Variants in EVC observed in about 807,000 individuals in gnomAD.
EVC encodes evC complex member EVC.
Under a neutral mutation model 118.9 loss-of-function variants are expected in EVC, and 116 were observed. The ratio of observed to expected loss-of-function variants is 0.98; its 90% confidence interval spans 0.84 to 1.14. The LOEUF (loss-of-function observed/expected upper bound fraction) is 1.14, where lower values mean the gene tolerates loss of function less well. EVC is among the 50% of genes most tolerant of loss of function. EVC has a pLI of 0.00. For synonymous variants in EVC, 619 were observed against 534.7 expected (o/e 1.16, Z -2.18); for missense variants, 1,401 against 1,246.4 (o/e 1.12, Z -1.87).
intron 11 of EVC, among the ~76,000 whole-genome samples, chr4:5,773,290 T>TTGC (rs1734262963): frequency 6.6e-6 from 1 of 152,122 alleles, no homozygotes; most frequent in South Asian, 2.1e-4. Flanking sequence ...CAACAGTGAT[T>TTGC]TGCTCTCATG....
intron 2 of EVC, among the ~76,000 whole-genome samples, chr4:5,722,940 C>T (rs1436155472): frequency 6.6e-6 from 1 of 152,158 alleles, no homozygotes. Context: ...GGCAGTGGCT[C>T]CTGTTCAGGT....
chr4:5,711,571 G>T lies in EVC; in HGVS notation c.174+17G>T. 8.5e-7 allele frequency: 1 copy of T among 1,171,764 alleles called. No homozygotes were observed. Among genetic ancestry groups the T allele is most frequent in the South Asian group, 4.3e-5 (1 of 23,326 alleles). The allele number at this position is 1,171,764 out of a possible 1,614,324, so 72.6% of individuals were successfully genotyped here. ...CGACACCAGGTGGGTCGGCCGAGCAGACAGCGGCGGGGCGGGGAGCGCGGG... is the reference window on the plus strand; with the variant it reads ...CGACACCAGGTGGGTCGGCCGAGCATACAGCGGCGGGGCGGGGAGCGCGGG... On this transcript the variant is annotated intron_variant, in intron 1 of 20. Transcript: ENST00000264956.
At chr4:5,759,243 G>T (rs1287822114) in intron 11 of EVC, among the ~76,000 whole-genome samples, 1 of 144,654 alleles carries the variant, frequency 6.9e-6, no homozygotes. Context: ...CCTGCCGACT[G>T]CAGGAGACGT....
rs1253151635 is a variant in EVC, at chr4:5,749,784, A to G, written c.1098+1478A>G. Among the ~76,000 whole-genome samples, 1 of 152,100 alleles carries G rather than the reference A, an allele frequency of 6.6e-6. No homozygotes were observed. Among genetic ancestry groups the G allele is most frequent in the Non-Finnish European group, 1.5e-5 (1 of 68,010 alleles). On this transcript the variant is annotated intron_variant, in intron 8 of 20. Coordinates refer to ENST00000264956, the MANE Select transcript of EVC (RefSeq NM_153717.3). This position sits in a 1 kb window ranked among gnomAD's most constrained non-coding sequence, Gnocchi z 4.4. ...ACCCTGCAGTGGCCACCCTGCCCTC[A>G]GCACAGACTCAGCTCCTCAGACCCG...
Position 5,719,190 on chromosome 4 carries a change from C to T in EVC, c.175-58C>T. On this transcript the variant is annotated intron_variant, in intron 1 of 20. Coordinates refer to ENST00000264956, the MANE Select transcript of EVC (RefSeq NM_153717.3). This position sits in a 1 kb window ranked among gnomAD's most constrained non-coding sequence, Gnocchi z 4.7. ...GCAAAAGTCACGGTGGGGACCAGGC[C>T]GACTGACCTCAATGTTGTGTTTCTA... The T allele has an allele frequency of 6.8e-6, 11 of 1,611,830 alleles. No individual in the cohort carries two copies. Among genetic ancestry groups the T allele is most frequent in the Admixed American group, 1.7e-5 (1 of 59,980 alleles).
In EVC at chr4:5,772,143, G is replaced by A. The variant is rs563462450; in HGVS notation, c.1564-11409G>A. Reference sequence around the variant, plus strand: ...AATCTCCTGACTTCGCGATCCGCCCGCCTCGGCATCCCACAGTGCTGGGAT... The same window carrying A: ...AATCTCCTGACTTCGCGATCCGCCCACCTCGGCATCCCACAGTGCTGGGAT... On this transcript the variant is annotated intron_variant, in intron 11 of 20. Transcript: ENST00000264956. Among the ~76,000 whole-genome samples, 13 of 152,166 alleles carry A rather than the reference G, an allele frequency of 8.5e-5. 1 individual carries two copies. Among genetic ancestry groups the A allele is most frequent in the Admixed American group, 5.2e-4 (8 of 15,282 alleles).
chr4:5,827,402 T>G, the EVC span, among the ~76,000 whole-genome samples: 1 of 152,200 alleles, frequency 6.6e-6, no homozygotes, highest in Non-Finnish European at 1.5e-5. Flanking sequence ...CTGTGCGACT[T>G]GGTGTCTTTG....
chr4:5,822,130 TCAAA>T, the EVC span, among the ~76,000 whole-genome samples: 2 of 152,280 alleles, frequency 1.3e-5, no homozygotes, highest in African/African-American at 2.4e-5. Flanking sequence ...AGACAGGTGA[TCAAA>T]CACTTACTGA....
chr4:5,776,199 G>A (rs1055407519), intron 11 of EVC, among the ~76,000 whole-genome samples: 1 of 151,684 alleles, frequency 6.6e-6, no homozygotes, highest in African/African-American at 2.4e-5. Flanking sequence ...ATTTGGTAAT[G>A]TTATTAACTA....
intron 11 of EVC, among the ~76,000 whole-genome samples, chr4:5,778,916 A>G (rs1226697043): frequency 6.6e-6 from 1 of 152,052 alleles, no homozygotes; most frequent in Admixed American, 6.5e-5. Flanking sequence ...GTCCTTGCAC[A>G]TGCCTATGTC....
the EVC span, among the ~76,000 whole-genome samples, chr4:5,819,379 A>G: frequency 6.6e-6 from 1 of 152,216 alleles, no homozygotes; most frequent in Non-Finnish European, 1.5e-5. Flanking sequence ...CCTCCTCCCA[A>G]AATCTCAAGA....
downstream of EVC, among the ~76,000 whole-genome samples, chr4:5,814,581 C>A (rs992956083): frequency 1.3e-5 from 2 of 152,198 alleles, no homozygotes; most frequent in South Asian, 4.1e-4. Context: ...AAAGCCAGAT[C>A]TTTACCATGG....
At chr4:5,739,719 A>C (rs114418243) in intron 5 of EVC, among the ~76,000 whole-genome samples, 169 of 152,306 alleles carry the variant, frequency 1.1e-3, no homozygotes, top group Middle Eastern at 6.8e-3. Context: ...AAGCCAAAAA[A>C]AATTTGCTGT....
intron 7 of EVC, 198 bp from the exon 8 acceptor site, chr4:5,747,950 A>G (rs1396827567): frequency 9.4e-6 from 6 of 635,898 alleles, no homozygotes; most frequent in South Asian, 8.6e-5. Context: ...ACTGACTGAC[A>G]CTGGAACCAG....
intron 11 of EVC, among the ~76,000 whole-genome samples, chr4:5,782,536 G>GAAAAAAAA (rs71171483): frequency 2.2e-5 from 1 of 45,746 alleles, no homozygotes; most frequent in Non-Finnish European, 4.4e-5. Context: ...TGTTTTAAAT[G>GAAAAAAAA]AAAAAAAAAA....
the EVC span, chr4:5,828,540 C>G: frequency 6.2e-7 from 1 of 1,614,220 alleles, no homozygotes; most frequent in East Asian, 2.2e-5. Context: ...ACGCCTTCCG[C>G]GGAATGAAGC....
In EVC at chr4:5,794,307, TTATATATTTA is replaced by T. The variant is rs925502507; in HGVS notation, c.1886+615_1886+624del. Among the ~76,000 whole-genome samples, 747 of 119,224 alleles carry T rather than the reference TTATATATTTA, an allele frequency of 6.3e-3. 5 individuals are homozygous for T. The highest frequency in any genetic ancestry group is 0.022 in the African/African-American group (660 of 30,544). The allele number at this position is 119,224 out of a possible 152,430, so 78.2% of individuals were successfully genotyped here. On this transcript the variant is annotated intron_variant, in intron 13 of 20. Coordinates refer to ENST00000264956, the MANE Select transcript of EVC (RefSeq NM_153717.3). ...TATATATTTTTATATATTTATATTT[TTATATATTTA>T]TATATATTTATATATATTTATATAC... is the stretch of plus-strand genomic sequence containing the variant.
Position 5,798,011 on chromosome 4 carries a change from T to C in EVC, c.2098-575T>C, listed in dbSNP as rs550685551. 2.0e-5 allele frequency among the ~76,000 whole-genome samples: 3 copies of C among 152,320 alleles called. No homozygotes were observed. The highest frequency in any genetic ancestry group is 7.2e-5 in the African/African-American group (3 of 41,580). On this transcript the variant is annotated intron_variant, in intron 14 of 20. Coordinates refer to ENST00000264956, the MANE Select transcript of EVC (RefSeq NM_153717.3). This position sits in a 1 kb window ranked among gnomAD's most constrained non-coding sequence, Gnocchi z 4.1. The stretch of plus-strand genomic sequence containing the variant: ...AGCTCTGGGAGCAGCTGCTGCTCTT[T>C]GACCCATGAATGAGGCACAAGCCCA...
chr4:5,758,161 G>A (rs1731468498), intron 11 of EVC: 7 of 701,362 alleles, frequency 1.0e-5, no homozygotes, highest in Non-Finnish European at 1.8e-5. Flanking sequence ...GCAGCCACAA[G>A]CCGAGGAACA....
Sources: gnomAD v4.1 joint callset for allele counts (sites outside exome capture counted in the v4.1 genomes callset) on GRCh38, gnomAD v4.1.1 for gene constraint, Gnocchi (gnomAD v3.1) non-coding constraint, MANE v1.5 for transcripts, NCBI Gene and HGNC (gene_info 2026-07-23, HGNC 2026-07-21) for gene names.